CACNG2: variants seen among roughly 807,000 people sequenced by gnomAD.
The protein encoded by CACNG2 is calcium voltage-gated channel auxiliary subunit gamma 2, also known as voltage-dependent calcium channel gamma-2 subunit.
A neutral mutation model predicts 25.9 loss-of-function variants in CACNG2; 3 were observed. The observed-to-expected ratio is 0.12, with a 90% CI of 0.05 to 0.30. The LOEUF is 0.30. Among genes scored for constraint, CACNG2 ranks in the 10% least tolerant of loss-of-function variants. CACNG2 has a pLI of 1.00. For synonymous variants in CACNG2, 167 were observed against 173.3 expected (o/e 0.96, Z 0.29); for missense variants, 341 against 432.5 (o/e 0.79, Z 1.88).
intron 1 of CACNG2, among the ~76,000 whole-genome samples, chr22:36,647,521 A>G (rs975719858): frequency 1.3e-5 from 2 of 152,098 alleles, no homozygotes; most frequent in Admixed American, 1.3e-4. Context: ...ACTTGAACCC[A>G]GGAGGTGGAG....
chr22:36,601,729 C>T (rs531518222), intron 1 of CACNG2, among the ~76,000 whole-genome samples: 126 of 152,286 alleles, frequency 8.3e-4, no homozygotes, highest in South Asian at 5.6e-3. Flanking sequence ...GTGATCCATG[C>T]GCCTCGGCCT....
At chr22:36,634,329 C>T (rs923409358) in intron 1 of CACNG2, among the ~76,000 whole-genome samples, 4 of 152,174 alleles carry the variant, frequency 2.6e-5, no homozygotes, top group Admixed American at 6.5e-5. Context: ...CCTAGATGAT[C>T]TGCCATGATT....
chr22:36,669,862 A>G (rs537846817), intron 1 of CACNG2, among the ~76,000 whole-genome samples: 1 of 152,098 alleles, frequency 6.6e-6, no homozygotes, highest in South Asian at 2.1e-4. Context: ...ACAGGTGCCC[A>G]ACACCACGCC....
intron 1 of CACNG2, among the ~76,000 whole-genome samples, chr22:36,602,097 C>A (rs1171386695): frequency 6.6e-6 from 1 of 152,116 alleles, no homozygotes; most frequent in Non-Finnish European, 1.5e-5. Flanking sequence ...TTCCATTTAC[C>A]TATTGGCCAT....
At chr22:36,592,164 G>T (rs1465023167) in intron 1 of CACNG2, among the ~76,000 whole-genome samples, 1 of 148,632 alleles carries the variant, frequency 6.7e-6, no homozygotes, top group African/African-American at 2.5e-5. Flanking sequence ...GGATTATGAG[G>T]ATGGATATGG....
At chr22:36,597,547 G>T (rs532242548) in intron 1 of CACNG2, among the ~76,000 whole-genome samples, 7 of 152,146 alleles carry the variant, frequency 4.6e-5, no homozygotes, top group African/African-American at 1.7e-4. Flanking sequence ...AGAAGTGAAG[G>T]GCCCCAGTGC....
intron 1 of CACNG2, among the ~76,000 whole-genome samples, chr22:36,699,530 A>G (rs993953353): frequency 6.6e-6 from 1 of 152,050 alleles, no homozygotes; most frequent in Non-Finnish European, 1.5e-5. Context: ...AAAAGAGATC[A>G]GAGGAAGACA....
intron 2 of CACNG2, among the ~76,000 whole-genome samples, chr22:36,581,911 T>C (rs1428160825): frequency 6.6e-6 from 1 of 152,232 alleles, no homozygotes; most frequent in Non-Finnish European, 1.5e-5. Context: ...TGTCTGATAT[T>C]GAGCCCCAGT....
intron 1 of CACNG2, among the ~76,000 whole-genome samples, chr22:36,681,983 C>T (rs952793816): frequency 6.6e-6 from 1 of 152,210 alleles, no homozygotes; most frequent in Non-Finnish European, 1.5e-5. Flanking sequence ...GACCAACTCT[C>T]CCTCTACCAT....
At chr22:36,586,955 C>T (rs1935515543) in intron 2 of CACNG2, among the ~76,000 whole-genome samples, 1 of 148,298 alleles carries the variant, frequency 6.7e-6, no homozygotes, top group African/African-American at 2.6e-5. Context: ...AAAAATCTCT[C>T]TCTTTTTTTT....
At chr22:36,668,692 T>C (rs1317127315) in intron 1 of CACNG2, among the ~76,000 whole-genome samples, 1 of 151,934 alleles carries the variant, frequency 6.6e-6, no homozygotes, top group African/African-American at 2.4e-5. Flanking sequence ...GGCAGGGCTT[T>C]ACCATGTTGC....
At chr22:36,635,010 G>A (rs909357883) in intron 1 of CACNG2, among the ~76,000 whole-genome samples, 2 of 152,128 alleles carry the variant, frequency 1.3e-5, no homozygotes, top group African/African-American at 4.8e-5. Context: ...AAGGCCAGGC[G>A]CAGTGGCTCA....
intron 1 of CACNG2, among the ~76,000 whole-genome samples, chr22:36,636,305 A>G (rs1297087594): frequency 6.6e-6 from 1 of 151,266 alleles, no homozygotes; most frequent in East Asian, 1.9e-4. Flanking sequence ...TCCTTCCCCA[A>G]CCCCCAAATG....
chr22:36,631,189 T>C (rs557540858), intron 1 of CACNG2, among the ~76,000 whole-genome samples: 64 of 152,178 alleles, frequency 4.2e-4, no homozygotes, highest in African/African-American at 8.9e-4. Flanking sequence ...ACGTGTGAGA[T>C]GAGAGAGGCG....
rs1339804250 is a variant in CACNG2 at position 36,561,592 on chromosome 22, C to T, written c.*2759G>A. On this transcript the variant is annotated 3_prime_UTR_variant, in exon 4 of 4. Coordinates refer to ENST00000300105, the MANE Select transcript of CACNG2 (RefSeq NM_006078.5). ...AGATGTGCAAGCTCAAAAAGCCTTACTAGCCATTCTCTAGAACTCCCCAGA... is the reference window on the plus strand; with the variant it reads ...AGATGTGCAAGCTCAAAAAGCCTTATTAGCCATTCTCTAGAACTCCCCAGA... 1 of 152,204 alleles carries T rather than the reference C, an allele frequency of 6.6e-6. No individual in the cohort carries two copies. The highest frequency in any genetic ancestry group is 1.5e-5 in the Non-Finnish European group (1 of 68,042). 9.4% of individuals were successfully genotyped at this position (152,204 alleles called of 1,614,324 possible).
chr22:36,632,858 A>C (rs894237775), intron 1 of CACNG2, among the ~76,000 whole-genome samples: 3 of 151,858 alleles, frequency 2.0e-5, no homozygotes, highest in African/African-American at 2.4e-5. Context: ...AAGCCTCCTT[A>C]TCTCAGCCCA....
At chr22:36,590,271 G>A (rs948698847) in intron 1 of CACNG2, among the ~76,000 whole-genome samples, 7 of 152,184 alleles carry the variant, frequency 4.6e-5, no homozygotes, top group African/African-American at 1.2e-4. Flanking sequence ...CAGAGAGGCC[G>A]TGCGAGATAA....
chr22:36,573,428 T>G (rs898065624), intron 2 of CACNG2, among the ~76,000 whole-genome samples: 1 of 152,134 alleles, frequency 6.6e-6, no homozygotes, highest in East Asian at 1.9e-4. Flanking sequence ...CCTCCTGGGT[T>G]TGAGTGATTC....
At chr22:36,658,235 A>T (rs1434193456) in intron 1 of CACNG2, among the ~76,000 whole-genome samples, 1 of 152,176 alleles carries the variant, frequency 6.6e-6, no homozygotes, top group Admixed American at 6.5e-5. Flanking sequence ...TATAGAGGGA[A>T]AATACCCTAG....
Sources: gnomAD v4.1 joint callset for allele counts (sites outside exome capture counted in the v4.1 genomes callset) on GRCh38, gnomAD v4.1.1 for gene constraint, MANE v1.5 for transcripts, NCBI Gene and HGNC (gene_info 2026-07-23, HGNC 2026-07-21) for gene names.